LRRC37A2: variants seen among roughly 807,000 people sequenced by gnomAD.
LRRC37A2 encodes leucine rich repeat containing 37 member A2.
Under a neutral mutation model 68.8 loss-of-function variants are expected in LRRC37A2, and 9 were observed. That is an observed-to-expected ratio of 0.13 (90% CI 0.08 to 0.23). The LOEUF (loss-of-function observed/expected upper bound fraction) is 0.23. Among genes scored for constraint, LRRC37A2 ranks in the 10% least tolerant of loss-of-function variants. The pLI is 1.00. For missense variants in LRRC37A2, 168 were observed against 950.4 expected (o/e 0.18, Z 10.82); for synonymous variants, 63 against 367.6 (o/e 0.17, Z 9.48).
the LRRC37A2 span, among the ~76,000 whole-genome samples, chr17:47,044,956 G>A: frequency 6.6e-6 from 1 of 150,716 alleles, no homozygotes; most frequent in South Asian, 2.1e-4. Flanking sequence ...AGGCTGCAGT[G>A]AGCCAAGATT....
the LRRC37A2 span, among the ~76,000 whole-genome samples, chr17:46,493,513 G>T: frequency 2.5e-5 from 3 of 117,992 alleles, no homozygotes; most frequent in Non-Finnish European, 5.2e-5. Context: ...TTTCTTTATT[G>T]TTATTCTTCT....
the LRRC37A2 span, among the ~76,000 whole-genome samples, chr17:46,778,817 C>G: frequency 1.3e-5 from 2 of 152,096 alleles, no homozygotes; most frequent in African/African-American, 4.8e-5. Flanking sequence ...GGCAACCATT[C>G]TACACCATCC....
the LRRC37A2 span, among the ~76,000 whole-genome samples, chr17:46,827,613 G>A: frequency 6.6e-6 from 1 of 152,030 alleles, no homozygotes; most frequent in Non-Finnish European, 1.5e-5. Flanking sequence ...TTCCTTGTTC[G>A]TTAGCCCACT....
chr17:46,498,026 C>G, the LRRC37A2 span, among the ~76,000 whole-genome samples: 1 of 146,486 alleles, frequency 6.8e-6, no homozygotes, highest in Non-Finnish European at 1.5e-5. Context: ...CCTCCTGAGT[C>G]CAAGTGATTC....
the LRRC37A2 span, among the ~76,000 whole-genome samples, chr17:46,946,003 C>T: frequency 6.6e-6 from 1 of 152,150 alleles, no homozygotes; most frequent in African/African-American, 2.4e-5. Context: ...CCTCTCTTAC[C>T]TCAATCCAGG....
At chr17:46,876,991 G>A in the LRRC37A2 span, 4 of 1,276,754 alleles carry the variant, frequency 3.1e-6, no homozygotes, top group Non-Finnish European at 3.9e-6. Flanking sequence ...GAAAGACATG[G>A]AGGGAAATAA....
the LRRC37A2 span, among the ~76,000 whole-genome samples, chr17:46,769,031 A>AAAT: frequency 1.3e-5 from 2 of 152,218 alleles, no homozygotes; most frequent in Non-Finnish European, 2.9e-5. Context: ...ACAGCGCATG[A>AAAT]AATACGAGTT....
the LRRC37A2 span, among the ~76,000 whole-genome samples, chr17:46,849,629 C>T: frequency 6.6e-6 from 1 of 152,216 alleles, no homozygotes. Flanking sequence ...TAGCTGTGCA[C>T]ATCTCTTCCT....
At chr17:46,971,833 C>A in the LRRC37A2 span, among the ~76,000 whole-genome samples, 3 of 152,236 alleles carry the variant, frequency 2.0e-5, no homozygotes, top group Admixed American at 1.3e-4. Flanking sequence ...TGTGTTTGTT[C>A]TGTGTGCATG....
At chr17:46,997,029 A>G in the LRRC37A2 span, among the ~76,000 whole-genome samples, 1 of 152,214 alleles carries the variant, frequency 6.6e-6, no homozygotes, top group African/African-American at 2.4e-5. Context: ...CAGCTAATAA[A>G]TGAAGACAGG....
At chr17:46,978,329 A>C in the LRRC37A2 span, 20 of 374,208 alleles carry the variant, frequency 5.3e-5, no homozygotes, top group Middle Eastern at 7.1e-4. Flanking sequence ...GAGCGACCGC[A>C]GTCCCAAATT....
the LRRC37A2 span, chr17:46,768,276 G>C: frequency 6.2e-7 from 1 of 1,611,876 alleles, no homozygotes; most frequent in Non-Finnish European, 8.5e-7. This position sits in a 1 kb window ranked among gnomAD's most constrained non-coding sequence, Gnocchi z 5.0. Context: ...CCTGCGCCCA[G>C]GCTCCCAGCC....
chr17:46,927,729 C>T, the LRRC37A2 span, among the ~76,000 whole-genome samples: 37,812 of 151,968 alleles, frequency 0.25, 5,469 homozygotes, highest in South Asian at 0.41. Context: ...TGTCTGTCTG[C>T]ACCTGCACTG....
chr17:46,974,284 C>T, the LRRC37A2 span, among the ~76,000 whole-genome samples: 12 of 151,928 alleles, frequency 7.9e-5, no homozygotes, highest in African/African-American at 2.7e-4. Context: ...TCACCCAGTG[C>T]CTGGCACAGT....
At chr17:46,983,878 G>T in the LRRC37A2 span, among the ~76,000 whole-genome samples, 91 of 152,308 alleles carry the variant, frequency 6.0e-4, no homozygotes, top group African/African-American at 2.1e-3. Context: ...CCAGGGAGGG[G>T]CCATTGGCTT....
intron 2 of LRRC37A2, 167 bp from the exon 2 acceptor site, chr17:46,517,195 A>C: frequency 1.2e-6 from 1 of 801,840 alleles, no homozygotes; most frequent in Non-Finnish European, 1.8e-6. Flanking sequence ...ACCCCGCATA[A>C]TTTCTTGATG....
At chr17:46,772,242 G>C in the LRRC37A2 span, among the ~76,000 whole-genome samples, 1 of 152,206 alleles carries the variant, frequency 6.6e-6, no homozygotes, top group Non-Finnish European at 1.5e-5. Flanking sequence ...CAAACTCTCG[G>C]GCACACATCG....
chr17:46,751,009 ATAT>A, the LRRC37A2 span, among the ~76,000 whole-genome samples: 1 of 152,298 alleles, frequency 6.6e-6, no homozygotes, highest in Non-Finnish European at 1.5e-5. Flanking sequence ...CTATTGGAAA[ATAT>A]TATCTACTGA....
At chr17:47,007,151 C>A in the LRRC37A2 span, among the ~76,000 whole-genome samples, 1 of 152,116 alleles carries the variant, frequency 6.6e-6, no homozygotes, top group Non-Finnish European at 1.5e-5. Flanking sequence ...GAGGCTGAAG[C>A]AAATCTGATT....
Sources: gnomAD v4.1 joint callset for allele counts (sites outside exome capture counted in the v4.1 genomes callset) on GRCh38, gnomAD v4.1.1 for gene constraint, Gnocchi (gnomAD v3.1) non-coding constraint, MANE v1.5 for transcripts, NCBI Gene and HGNC (gene_info 2026-07-23, HGNC 2026-07-21) for gene names.